CNTNAP5: variants seen among roughly 807,000 people sequenced by gnomAD.
The protein encoded by CNTNAP5 is contactin associated protein family member 5.
In CNTNAP5, 72 loss-of-function variants were observed where a neutral mutation model predicts 150.2. The ratio of observed to expected loss-of-function variants is 0.48; its 90% confidence interval spans 0.40 to 0.58. The LOEUF (loss-of-function observed/expected upper bound fraction) is 0.58, where lower values mean the gene tolerates loss of function less well. Among genes scored for constraint, CNTNAP5 ranks in the 20% least tolerant of loss-of-function variants. The probability of loss-of-function intolerance (pLI) is 0.00; values close to 1 mark genes in which losing one functional copy is unlikely to be tolerated. For missense variants in CNTNAP5, 1,636 were observed against 1,626.2 expected (o/e 1.01, Z -0.10); for synonymous variants, 672 against 619.8 (o/e 1.08, Z -1.25).
chr2:124,466,146 T>A (rs1046509393), intron 6 of CNTNAP5, among the ~76,000 whole-genome samples: 2 of 152,132 alleles, frequency 1.3e-5, no homozygotes, highest in Non-Finnish European at 2.9e-5. Flanking sequence ...ATTTATTTAT[T>A]TATTTTTCCA....
At chr2:124,892,734 C>T (rs933119131) in intron 21 of CNTNAP5, among the ~76,000 whole-genome samples, 1 of 152,034 alleles carries the variant, frequency 6.6e-6, no homozygotes, top group Non-Finnish European at 1.5e-5. Context: ...GTTCTCAGTT[C>T]GACCTCAATT....
chr2:124,444,505 G>T (rs1187620093), intron 5 of CNTNAP5, among the ~76,000 whole-genome samples: 1 of 152,112 alleles, frequency 6.6e-6, no homozygotes, highest in South Asian at 2.1e-4. Context: ...TGAGGCAGGA[G>T]AATCGCTTGA....
At chr2:124,789,726 T>C (rs1681675743) in intron 17 of CNTNAP5, among the ~76,000 whole-genome samples, 176 bp from the exon 18 acceptor site, 1 of 152,182 alleles carries the variant, frequency 6.6e-6, no homozygotes, top group African/African-American at 2.4e-5. Flanking sequence ...TTCTAGGACA[T>C]GCATTTATTT....
At chr2:124,234,294 C>G (rs1445511024) in intron 2 of CNTNAP5, among the ~76,000 whole-genome samples, 6 of 152,216 alleles carry the variant, frequency 3.9e-5, no homozygotes, top group Middle Eastern at 6.8e-3. Context: ...TGAACTGAGC[C>G]TCTACTCATT....
At chr2:124,558,478 G>A (rs556156010) in intron 10 of CNTNAP5, among the ~76,000 whole-genome samples, 54 of 140,130 alleles carry the variant, frequency 3.9e-4, no homozygotes, top group African/African-American at 1.4e-3. Context: ...AGACAGCTGC[G>A]TAGAGGAGTC....
At chr2:124,628,078 G>A (rs1200046722) in intron 12 of CNTNAP5, among the ~76,000 whole-genome samples, 1 of 152,164 alleles carries the variant, frequency 6.6e-6, no homozygotes, top group Non-Finnish European at 1.5e-5. Flanking sequence ...AAAAGACTGA[G>A]CCTACTACTG....
chr2:124,362,381 G>T lies in CNTNAP5; in HGVS notation c.382-55062G>T, dbSNP rs182421600. Among the ~76,000 whole-genome samples, 342 of 152,330 alleles carry T rather than the reference G, an allele frequency of 2.2e-3. 2 individuals are homozygous for T. The highest frequency in any genetic ancestry group is 8.5e-4 in the Non-Finnish European group (58 of 68,032). On this transcript the variant is annotated intron_variant, in intron 3 of 23. Transcript: ENST00000682447. ...TCATTAACAAGATAGTCCTGAAAGC[G>T]ATAAAGAGGATATATCGACTAAGTA...
intron 19 of CNTNAP5, among the ~76,000 whole-genome samples, chr2:124,821,191 G>A (rs1000567455): frequency 6.6e-6 from 1 of 152,168 alleles, no homozygotes; most frequent in African/African-American, 2.4e-5. Flanking sequence ...AGTTAATAAG[G>A]CTTGTGGGCC....
intron 3 of CNTNAP5, among the ~76,000 whole-genome samples, chr2:124,244,529 A>G (rs541097167): frequency 1.3e-5 from 2 of 152,234 alleles, no homozygotes; most frequent in East Asian, 3.9e-4. Context: ...GTGAGGCAGG[A>G]AATTCCAGCA....
intron 1 of CNTNAP5, among the ~76,000 whole-genome samples, chr2:124,208,233 T>C (rs1190060324): frequency 6.6e-6 from 1 of 152,204 alleles, no homozygotes; most frequent in Non-Finnish European, 1.5e-5. Flanking sequence ...TGATTGTCTA[T>C]TGGGACCTAC....
At chr2:124,247,877 G>A (rs34388729) in intron 3 of CNTNAP5, among the ~76,000 whole-genome samples, 4,694 of 152,170 alleles carry the variant, frequency 0.031, 97 homozygotes, top group South Asian at 0.057. Flanking sequence ...AAATAATAAA[G>A]ACTACATGTA....
chr2:124,477,763 A>T (rs1019474904), intron 7 of CNTNAP5, among the ~76,000 whole-genome samples: 21 of 151,234 alleles, frequency 1.4e-4, no homozygotes, highest in African/African-American at 5.1e-4. Flanking sequence ...TTCATAATAT[A>T]TCAGTTTCCT....
At chr2:124,905,399 G>T (rs897815696) in intron 22 of CNTNAP5, among the ~76,000 whole-genome samples, 23 of 152,106 alleles carry the variant, frequency 1.5e-4, no homozygotes, top group African/African-American at 5.3e-4. Flanking sequence ...ATTAAAACTC[G>T]AATCCTATTT....
chr2:124,570,664 G>A (rs757136086), intron 11 of CNTNAP5, among the ~76,000 whole-genome samples: 15 of 152,084 alleles, frequency 9.9e-5, no homozygotes, highest in Admixed American at 2.6e-4. Context: ...GAAGATGGAA[G>A]GTGTGGGTAC....
chr2:124,784,781 A>G (rs558432940), intron 17 of CNTNAP5, among the ~76,000 whole-genome samples: 1 of 152,324 alleles, frequency 6.6e-6, no homozygotes, highest in African/African-American at 2.4e-5. Flanking sequence ...GTGTGACTCC[A>G]GGCTTTGCCA....
chr2:124,743,745 T>C (rs1680549484), intron 13 of CNTNAP5, among the ~76,000 whole-genome samples: 1 of 152,240 alleles, frequency 6.6e-6, no homozygotes, highest in Non-Finnish European at 1.5e-5. Flanking sequence ...TTCAAGAACC[T>C]GATCAATTAA....
intron 3 of CNTNAP5, among the ~76,000 whole-genome samples, chr2:124,399,800 G>C (rs1417125228): frequency 6.6e-6 from 1 of 152,058 alleles, no homozygotes. Flanking sequence ...AAATAATTTT[G>C]AATAGTCTGG....
chr2:124,674,363 C>T (rs1678885911), intron 13 of CNTNAP5, among the ~76,000 whole-genome samples: 1 of 128,120 alleles, frequency 7.8e-6, no homozygotes, highest in African/African-American at 2.9e-5. Flanking sequence ...CTTCTTCCCT[C>T]CCTCCCTCCT....
In CNTNAP5 at chr2:124,047,330, T is replaced by C. The variant is rs531455156; in HGVS notation, c.82+21598T>C. Among the ~76,000 whole-genome samples, 12 of 152,338 alleles carry C rather than the reference T, an allele frequency of 7.9e-5. 1 individual carries two copies. Among genetic ancestry groups the C allele is most frequent in the African/African-American group, 2.4e-4 (10 of 41,584 alleles). On this transcript the variant is annotated intron_variant, in intron 1 of 23. Transcript: ENST00000682447. ...TACAGTCTTCAAGTCAGAAGGTCAG[T>C]GTTTAGATCCTTATTTTACAGAGGA... is the stretch of plus-strand genomic sequence containing the variant.
Sources: gnomAD v4.1 joint callset for allele counts (sites outside exome capture counted in the v4.1 genomes callset) on GRCh38, gnomAD v4.1.1 for gene constraint, MANE v1.5 for transcripts, NCBI Gene and HGNC (gene_info 2026-07-23, HGNC 2026-07-21) for gene names.